Variants in PRRC2C observed in about 807,000 individuals in gnomAD.
PRRC2C encodes the protein proline rich coiled-coil 2C, also known as protein PRRC2C.
PRRC2C carries 72 observed loss-of-function variants against 317.2 expected under a neutral mutation model. That is an observed-to-expected ratio of 0.23 (90% CI 0.19 to 0.28). The LOEUF (loss-of-function observed/expected upper bound fraction) is 0.28. PRRC2C is among the 10% of genes least tolerant of loss of function. The pLI is 1.00. For missense variants in PRRC2C, 3,074 were observed against 3,459.7 expected (o/e 0.89, Z 2.80); for synonymous variants, 1,296 against 1,205.9 (o/e 1.07, Z -1.55).
At chr1:171,531,889 CTT>C (rs1675957425) in intron 11 of PRRC2C, among the ~76,000 whole-genome samples, 1 of 152,194 alleles carries the variant, frequency 6.6e-6, no homozygotes, top group Non-Finnish European at 1.5e-5. Flanking sequence ...TGGCTCTGTG[CTT>C]TTTACCTGTA....
chr1:171,588,031 G>A (rs1650448426), intron 32 of PRRC2C, among the ~76,000 whole-genome samples: 1 of 151,968 alleles, frequency 6.6e-6, no homozygotes, highest in African/African-American at 2.4e-5. Context: ...AGAGTGCAGT[G>A]CCATGATTAT....
At chr1:171,559,899 T>C (rs1270360786) in intron 19 of PRRC2C, among the ~76,000 whole-genome samples, 1 of 152,160 alleles carries the variant, frequency 6.6e-6, no homozygotes, top group Non-Finnish European at 1.5e-5. Context: ...CTTCAAAATA[T>C]AAGCTTGTTG....
chr1:171,489,765 T>G (rs892089743), intron 1 of PRRC2C, among the ~76,000 whole-genome samples: 5 of 152,224 alleles, frequency 3.3e-5, no homozygotes, highest in African/African-American at 1.2e-4. Flanking sequence ...ATCCAGAGCC[T>G]GAGTGCCTAA....
intron 20 of PRRC2C, 108 bp downstream of exon 20, chr1:171,561,211 CTTGAGTCCGGGAGT>C (rs1682637269): frequency 9.0e-7 from 1 of 1,110,060 alleles, no homozygotes; most frequent in African/African-American, 1.5e-5. Flanking sequence ...GGGAGGGTTA[CTTGAGTCCGGGAGT>C]TTGAGACCAG....
chr1:171,572,446 C>T (rs235505), intron 24 of PRRC2C, among the ~76,000 whole-genome samples: 121,983 of 152,172 alleles, frequency 0.8, 49,033 homozygotes, highest in Middle Eastern at 0.89. Context: ...CTTTGTTGTT[C>T]TACAGTGTGG....
chr1:171,570,989 G>T (rs1186269526), intron 23 of PRRC2C, among the ~76,000 whole-genome samples: 1 of 152,086 alleles, frequency 6.6e-6, no homozygotes. Flanking sequence ...ATCAAAATCT[G>T]CTTTTTATCA....
At chr1:171,486,272 C>T (rs1666079426) in intron 1 of PRRC2C, among the ~76,000 whole-genome samples, 1 of 152,008 alleles carries the variant, frequency 6.6e-6, no homozygotes, top group South Asian at 2.1e-4. Flanking sequence ...AGATGAGAGG[C>T]TCTTCGGGGA....
intron 11 of PRRC2C, among the ~76,000 whole-genome samples, chr1:171,530,499 G>T (rs1675616601): frequency 6.6e-6 from 1 of 151,822 alleles, no homozygotes; most frequent in Non-Finnish European, 1.5e-5. Context: ...TCCTGCCTTG[G>T]CCTCCTAAAG....
chr1:171,517,101 T>C (rs1384495731), intron 5 of PRRC2C, among the ~76,000 whole-genome samples: 3 of 152,194 alleles, frequency 2.0e-5, no homozygotes, highest in African/African-American at 7.2e-5. Context: ...GCTGTTTTAT[T>C]TGGTTAAGTG....
intron 1 of PRRC2C, among the ~76,000 whole-genome samples, chr1:171,505,782 C>G (rs1307910560): frequency 6.6e-6 from 1 of 152,106 alleles, no homozygotes; most frequent in Non-Finnish European, 1.5e-5. Flanking sequence ...GATAGTTTTT[C>G]TGCATCCACA....
intron 28 of PRRC2C, among the ~76,000 whole-genome samples, chr1:171,583,216 C>G (rs568491163): frequency 5.3e-5 from 8 of 152,292 alleles, no homozygotes; most frequent in South Asian, 4.1e-4. Context: ...TCAAGCAGCC[C>G]TTTCACCTCA....
chr1:171,586,755 A>ATT (rs1194800520), intron 30 of PRRC2C, among the ~76,000 whole-genome samples: 1 of 136,278 alleles, frequency 7.3e-6, no homozygotes, highest in Non-Finnish European at 1.6e-5. Flanking sequence ...TAATTTTCGT[A>ATT]TTTTTTTTTT....
rs1236663155 is a variant in PRRC2C, at chr1:171,559,505, G to GTTTTTTTTTTTTTTTTTTTT, written c.6031+1365_6031+1366insTTTTTTTTTTTTTTTTTTTT. On this transcript the variant is annotated intron_variant, in intron 19 of 34. Coordinates refer to ENST00000647382, the MANE Select transcript of PRRC2C (RefSeq NM_001387844.1). ...ATCTGTTTACAAAATGGCATACCAA[G>GTTTTTTTTTTTTTTTTTTTT]TTTGTTTTTTTTTTTTTTTTTTTTT... Among the ~76,000 whole-genome samples, 23 of 95,134 alleles carry GTTTTTTTTTTTTTTTTTTTT rather than the reference G, an allele frequency of 2.4e-4. 11 individuals are homozygous for GTTTTTTTTTTTTTTTTTTTT. The highest frequency in any genetic ancestry group is 2.4e-4 in the African/African-American group (6 of 24,886). 62.4% of individuals were successfully genotyped at this position (95,134 alleles called of 152,430 possible).
rs991993427 is a variant in PRRC2C at position 171,589,756 on chromosome 1, C to CT, written c.8436+159dup. 7.9e-5 allele frequency among the ~76,000 whole-genome samples: 12 copies of CT among 151,140 alleles called. No homozygotes were observed. In the South Asian group the frequency reaches 1.3e-3, roughly 16 times the overall value. ...CTTTTATTCATTCCCCCTTTTTTTT[C>CT]TTTTTTTTCCCCCATTCCCATTCCT... On this transcript the variant is annotated intron_variant, in intron 34 of 34. Coordinates refer to ENST00000647382, the MANE Select transcript of PRRC2C (RefSeq NM_001387844.1).
chr1:171,550,002 TTTTA>T, intron 17 of PRRC2C, 80 bp from the exon 18 acceptor site: 2 of 1,154,284 alleles, frequency 1.7e-6, no homozygotes, highest in African/African-American at 3.1e-5. Context: ...TTTTTTTTTT[TTTTA>T]AGTACTACTG....
Position 171,592,457 on chromosome 1 carries a change from G to T in PRRC2C, c.*610G>T, listed in dbSNP as rs1222127460. ...TGTCCCCTTCTTCCTGGATGAATGA[G>T]CAGATAAATATTGATGTCAGCATCC... On this transcript the variant is annotated 3_prime_UTR_variant, in exon 35 of 35. Coordinates refer to ENST00000647382, the MANE Select transcript of PRRC2C (RefSeq NM_001387844.1). 6.6e-6 allele frequency: 1 copy of T among 152,274 alleles called. No homozygotes were observed. The highest frequency in any genetic ancestry group is 1.9e-4 in the East Asian group (1 of 5,194). The allele number at this position is 152,274 out of a possible 1,614,324, so 9.4% of individuals were successfully genotyped here.
chr1:171,573,126 G>T (rs1465406049), intron 24 of PRRC2C, among the ~76,000 whole-genome samples: 1 of 152,158 alleles, frequency 6.6e-6, no homozygotes, highest in Non-Finnish European at 1.5e-5. Context: ...ATTATACATT[G>T]TTGGGCTTAG....
chr1:171,529,711 C>A (rs965134244), intron 11 of PRRC2C, among the ~76,000 whole-genome samples: 1 of 152,200 alleles, frequency 6.6e-6, no homozygotes, highest in Admixed American at 6.5e-5. Context: ...TAGTTGTTGT[C>A]TTTTTAAAAC....
In PRRC2C at chr1:171,541,948, A is replaced by G; in HGVS notation, c.4482A>G (p.Ala1494=). ...CTAATCAGAACTCTTCAGATCAGGCAAATGAAGAATGGGAAACAGCTTCTG... is the reference window on the plus strand; with the variant it reads ...CTAATCAGAACTCTTCAGATCAGGCGAATGAAGAATGGGAAACAGCTTCTG... ...DLSNQNSSDQ[A]NEEWETASES... The change falls in exon 16 of 35, where the codon GCA becomes GCG. Residue 1494 remains alanine, a synonymous_variant. Transcript: ENST00000647382. The surrounding 1 kb of genome is among the most constrained non-coding windows in gnomAD (Gnocchi z 4.1). The G allele has an allele frequency of 6.2e-7, 1 of 1,613,998 alleles. No homozygotes were observed. Among genetic ancestry groups the G allele is most frequent in the South Asian group, 1.1e-5 (1 of 91,082 alleles).
Sources: gnomAD v4.1 joint callset for allele counts (sites outside exome capture counted in the v4.1 genomes callset) on GRCh38, gnomAD v4.1.1 for gene constraint, Gnocchi (gnomAD v3.1) non-coding constraint, MANE v1.5 for transcripts, NCBI Gene and HGNC (gene_info 2026-07-23, HGNC 2026-07-21) for gene names.